Variants in KCNJ3 observed in about 807,000 individuals in gnomAD.
KCNJ3 encodes G protein-activated inward rectifier potassium channel 1.
A neutral mutation model predicts 39.2 loss-of-function variants in KCNJ3; 4 were observed. That is an observed-to-expected ratio of 0.10 (90% CI 0.05 to 0.23). KCNJ3 has a LOEUF of 0.23. Ranked by LOEUF, KCNJ3 falls within the 10% of genes least tolerant of loss-of-function variation. KCNJ3 has a pLI of 1.00. For synonymous variants in KCNJ3, 230 were observed against 237.4 expected (o/e 0.97, Z 0.29); for missense variants, 276 against 634.9 (o/e 0.43, Z 6.08).
chr2:154,755,800 A>C (rs1685927084), intron 2 of KCNJ3, among the ~76,000 whole-genome samples: 1 of 152,004 alleles, frequency 6.6e-6, no homozygotes, highest in Non-Finnish European at 1.5e-5. Context: ...ATTCCATCTA[A>C]AGACTAGTGT....
At chr2:154,841,988 G>C (rs1367877616) in intron 2 of KCNJ3, among the ~76,000 whole-genome samples, 1 of 151,988 alleles carries the variant, frequency 6.6e-6, no homozygotes, top group Non-Finnish European at 1.5e-5. Context: ...GCTAGCTTTT[G>C]AATGTGTTTC....
At chr2:154,767,936 A>G (rs972665903) in intron 2 of KCNJ3, among the ~76,000 whole-genome samples, 1 of 152,198 alleles carries the variant, frequency 6.6e-6, no homozygotes, top group African/African-American at 2.4e-5. Flanking sequence ...TCTGATGGCC[A>G]GTGATGGTGA....
chr2:154,782,390 T>A (rs111857842), intron 2 of KCNJ3, among the ~76,000 whole-genome samples: 8,651 of 152,258 alleles, frequency 0.057, 271 homozygotes, highest in African/African-American at 0.087. Context: ...CCATAGTAGG[T>A]GCTAACTAAA....
intron 2 of KCNJ3, among the ~76,000 whole-genome samples, chr2:154,837,399 T>TATC (rs1340379145): frequency 6.7e-6 from 1 of 150,156 alleles, no homozygotes; most frequent in African/African-American, 2.4e-5. Flanking sequence ...TGAATTAACA[T>TATC]ATCATTGTCT....
At chr2:154,773,341 G>A (rs1231550907) in intron 2 of KCNJ3, among the ~76,000 whole-genome samples, 2 of 152,122 alleles carry the variant, frequency 1.3e-5, no homozygotes, top group Non-Finnish European at 1.5e-5. Flanking sequence ...GTGTGTGATG[G>A]TTAAGGATGA....
intron 2 of KCNJ3, among the ~76,000 whole-genome samples, chr2:154,811,624 G>A (rs1275149719): frequency 6.6e-6 from 1 of 152,056 alleles, no homozygotes; most frequent in South Asian, 2.1e-4. Flanking sequence ...GGGAAACTTT[G>A]TTCCTGTTTG....
At chr2:154,712,592 C>A (rs1685116352) in intron 2 of KCNJ3, among the ~76,000 whole-genome samples, 1 of 152,038 alleles carries the variant, frequency 6.6e-6, no homozygotes, top group Non-Finnish European at 1.5e-5. Flanking sequence ...ATAGTGGTGA[C>A]CCGGACAGAA....
intron 2 of KCNJ3, among the ~76,000 whole-genome samples, chr2:154,769,609 TG>T (rs1686202214): frequency 6.6e-6 from 1 of 152,200 alleles, no homozygotes; most frequent in South Asian, 2.1e-4. Context: ...TTGAGGTTTT[TG>T]TGTCGATGTT....
chr2:154,703,576 T>A (rs1224316325), intron 1 of KCNJ3, among the ~76,000 whole-genome samples: 1 of 151,930 alleles, frequency 6.6e-6, no homozygotes, highest in Non-Finnish European at 1.5e-5. Flanking sequence ...ATGACTATTA[T>A]CAAGTGCAGA....
At chr2:154,796,420 AT>A (rs1187576175) in intron 2 of KCNJ3, among the ~76,000 whole-genome samples, 1 of 152,094 alleles carries the variant, frequency 6.6e-6, no homozygotes, top group African/African-American at 2.4e-5. Flanking sequence ...TATCTCAATG[AT>A]TTCACTGTTA....
chr2:154,738,574 T>C (rs956183509), intron 2 of KCNJ3, among the ~76,000 whole-genome samples: 11 of 151,928 alleles, frequency 7.2e-5, no homozygotes, highest in Admixed American at 5.2e-4. Context: ...TTAAAAACTA[T>C]ATACTACAAA....
chr2:154,796,677 T>C (rs1686725503), intron 2 of KCNJ3, among the ~76,000 whole-genome samples: 1 of 152,124 alleles, frequency 6.6e-6, no homozygotes, highest in Non-Finnish European at 1.5e-5. Context: ...GTATGCTATA[T>C]AACAGAGTTG....
At chr2:154,753,872 A>T (rs1685891287) in intron 2 of KCNJ3, among the ~76,000 whole-genome samples, 1 of 152,200 alleles carries the variant, frequency 6.6e-6, no homozygotes, top group Non-Finnish European at 1.5e-5. Context: ...AAATAATTCT[A>T]CAGAAAAGTT....
chr2:154,835,009 T>C (rs1471588809), intron 2 of KCNJ3, among the ~76,000 whole-genome samples: 1 of 147,454 alleles, frequency 6.8e-6, no homozygotes, highest in Non-Finnish European at 1.5e-5. Context: ...TCTCTTCCTA[T>C]TTTTTTTTTT....
chr2:154,796,525 T>G (rs1182731653), intron 2 of KCNJ3, among the ~76,000 whole-genome samples: 1 of 152,178 alleles, frequency 6.6e-6, no homozygotes, highest in Non-Finnish European at 1.5e-5. Flanking sequence ...TTGAGGATCC[T>G]GGGTCATGTT....
chr2:154,842,114 G>A (rs963052249), intron 2 of KCNJ3, among the ~76,000 whole-genome samples: 5 of 152,166 alleles, frequency 3.3e-5, no homozygotes, highest in African/African-American at 1.2e-4. Context: ...TGCTTTAAAT[G>A]TGTCCCAGAG....
At position 154,709,767 on chromosome 2, in the gene KCNJ3, A is replaced by C. The variant is rs550381772; in HGVS notation, c.867A>C (p.Gln289His). 6.2e-7 allele frequency: 1 copy of C among 1,613,918 alleles called. No individual in the cohort carries two copies. The highest frequency in any genetic ancestry group is 8.5e-7 in the Non-Finnish European group (1 of 1,179,878). ...ATGACCTATCCCAGCGAAGCATGCAAACTGAACAGTTCGAGATTGTCGTCA... is the reference window on the plus strand; with the variant it reads ...ATGACCTATCCCAGCGAAGCATGCACACTGAACAGTTCGAGATTGTCGTCA... ...PFYDLSQRSM[Q>H]TEQFEIVVIL... Residue 289 changes from glutamine to histidine, a missense_variant, in exon 2 of 3, where the codon CAA becomes CAC. Coordinates refer to ENST00000295101, the MANE Select transcript of KCNJ3 (RefSeq NM_002239.4).
intron 2 of KCNJ3, among the ~76,000 whole-genome samples, chr2:154,764,430 G>A (rs961158685): frequency 1.3e-5 from 2 of 152,090 alleles, no homozygotes; most frequent in Non-Finnish European, 2.9e-5. Context: ...ATATTTCACA[G>A]AAGAAAATGT....
chr2:154,842,535 T>TG (rs1432481084), intron 2 of KCNJ3, among the ~76,000 whole-genome samples: 3 of 152,190 alleles, frequency 2.0e-5, no homozygotes, highest in Non-Finnish European at 2.9e-5. Context: ...ATGTTGACAG[T>TG]GGGGTGTTAA....
Sources: allele counts gnomAD v4.1 joint callset (sites outside exome capture counted in the v4.1 genomes callset), GRCh38; gene constraint gnomAD v4.1.1; transcripts MANE v1.5; gene names NCBI Gene and HGNC (gene_info 2026-07-23, HGNC 2026-07-21).